Variants in ATP10D observed in about 807,000 individuals in gnomAD.
ATP10D encodes the protein ATPase phospholipid transporting 10D (putative).
In ATP10D, 89 loss-of-function variants were observed where a neutral mutation model predicts 144.8. The observed-to-expected ratio is 0.61, with a 90% CI of 0.52 to 0.73. The LOEUF (loss-of-function observed/expected upper bound fraction) is 0.73, where lower values mean the gene tolerates loss of function less well. Among genes scored for constraint, ATP10D ranks in the 30% least tolerant of loss-of-function variants. ATP10D has a pLI of 0.00. For synonymous variants in ATP10D, 571 were observed against 615.1 expected (o/e 0.93, Z 1.06); for missense variants, 1,603 against 1,714.8 (o/e 0.93, Z 1.15).
chr4:47,515,628 T>C lies in ATP10D; in HGVS notation c.443T>C (p.Ile148Thr). ...CTGGAAGATTATCGGAAATACAAAA[T>C]TGACAAACAGATCAATAATTTAATA... ...DGLEDYRKYK[I>T]DKQINNLITK... is the part of the protein sequence containing the mutation. Residue 148 changes from isoleucine to threonine, a missense_variant, in exon 3 of 23, where the codon ATT becomes ACT. Coordinates refer to ENST00000273859, the MANE Select transcript of ATP10D (RefSeq NM_020453.4). The C allele has an allele frequency of 1.2e-6, 2 of 1,612,016 alleles. No individual in the cohort carries two copies. The highest frequency in any genetic ancestry group is 2.2e-5 in the East Asian group (1 of 44,846).
chr4:47,561,049 G>C lies in ATP10D; in HGVS notation c.2642G>C (p.Arg881Thr). 6.2e-7 allele frequency: 1 copy of C among 1,614,158 alleles called. No individual in the cohort carries two copies. The highest frequency in any genetic ancestry group is 1.3e-5 in the African/African-American group (1 of 75,046). Residue 881 changes from arginine to threonine, a missense_variant, in exon 14 of 23, where the codon AGG becomes ACG. Transcript: ENST00000273859. Reference protein sequence around the residue: ...REELLLESAMRLENKLTLLGA... With the variant: ...REELLLESAMTLENKLTLLGA... ...GAATTACTACTTGAATCTGCCATGAGGTTGGAGAACAAACTTACATTACTT... is the reference window on the plus strand; with the variant it reads ...GAATTACTACTTGAATCTGCCATGACGTTGGAGAACAAACTTACATTACTT...
At chr4:47,498,797 A>G (rs6835978) in intron 1 of ATP10D, among the ~76,000 whole-genome samples, 35,324 of 152,156 alleles carry the variant, frequency 0.23, 4,303 homozygotes, top group South Asian at 0.3. Flanking sequence ...CAGGTATTAA[A>G]TCATTTTAGC....
chr4:47,540,101 T>C (rs1421828057), intron 9 of ATP10D, among the ~76,000 whole-genome samples: 1 of 152,220 alleles, frequency 6.6e-6, no homozygotes, highest in African/African-American at 2.4e-5. Flanking sequence ...TAAACACATG[T>C]GTATACACAC....
rs1720544641 is a variant in ATP10D, at chr4:47,582,005, C to G, written c.3694C>G (p.Leu1232Val). The G allele has an allele frequency of 5.0e-6, 8 of 1,614,092 alleles. No individual in the cohort carries two copies. Among genetic ancestry groups the G allele is most frequent in the Non-Finnish European group, 6.8e-6 (8 of 1,179,988 alleles). Residue 1232 changes from leucine (L) to valine (V), a missense_variant, in exon 21 of 23, where the codon CTG becomes GTG. Transcript: ENST00000273859. ...TGACATCTTTGCATTTGGAAACCCC[C>G]TGAACACAGCCGCTCTGTTCATCGT... ...DTDIFAFGNP[L>V]NTAALFIVLL...
intron 13 of ATP10D, among the ~76,000 whole-genome samples, chr4:47,559,735 C>A (rs1286144825): frequency 6.6e-6 from 1 of 152,142 alleles, no homozygotes; most frequent in African/African-American, 2.4e-5. Context: ...GATGGCTGGG[C>A]ACAGTAGCTC....
Position 47,536,363 on chromosome 4 carries a change from C to T in ATP10D, c.1016-74C>T, listed in dbSNP as rs369193779. 9 of 1,546,254 alleles carry T rather than the reference C, an allele frequency of 5.8e-6. No homozygotes were observed. In the African/African-American group the frequency reaches 1.1e-4, roughly 19 times the overall value. Reference sequence around the variant, plus strand: ...CAAAATGAATACTCTCATTCCTTCTCCTTTAGGAATAAAATTTTTTGTTTG... The same window carrying T: ...CAAAATGAATACTCTCATTCCTTCTTCTTTAGGAATAAAATTTTTTGTTTG... On this transcript the variant is annotated intron_variant, in intron 7 of 22. Transcript: ENST00000273859.
chr4:47,554,946 A>C, intron 11 of ATP10D, 32 bp downstream of exon 11: 1 of 1,589,190 alleles, frequency 6.3e-7, no homozygotes, highest in Non-Finnish European at 8.6e-7. Context: ...AACAAGGGTC[A>C]CTTTCCAGAA....
At chr4:47,502,646 T>C (rs1036634568) in intron 1 of ATP10D, among the ~76,000 whole-genome samples, 2 of 148,340 alleles carry the variant, frequency 1.3e-5, no homozygotes, top group African/African-American at 4.9e-5. Flanking sequence ...ATATAATATA[T>C]GTATGTATGT....
At position 47,521,644 on chromosome 4, in the gene ATP10D, A is replaced by G. The variant is rs1478027212; in HGVS notation, c.486-1368A>G. 5.9e-5 allele frequency among the ~76,000 whole-genome samples: 9 copies of G among 152,162 alleles called. No homozygotes were observed. The South Asian group carries it at 8.3e-4, about 14-fold the overall frequency. ...GACCTTTAGTTACTCTCCATTTCCT[A>G]TGGAATGAAATTCCTACTCCTAGAT... is the stretch of plus-strand genomic sequence containing the variant. On this transcript the variant is annotated intron_variant, in intron 3 of 22. Transcript: ENST00000273859.
At chr4:47,492,410 G>A (rs1400511842) in intron 1 of ATP10D, among the ~76,000 whole-genome samples, 1 of 152,280 alleles carries the variant, frequency 6.6e-6, no homozygotes, top group East Asian at 1.9e-4. Context: ...GTACCATTGA[G>A]TAAATTATTG....
intron 21 of ATP10D, 91 bp downstream of exon 21, chr4:47,582,155 A>C: frequency 9.6e-7 from 1 of 1,040,780 alleles, no homozygotes; most frequent in Non-Finnish European, 1.5e-6. Context: ...GATAAGTGGT[A>C]ATGAGAAGAG....
chr4:47,547,472 G>A (rs1718499463), intron 10 of ATP10D: 1 of 152,230 alleles, frequency 6.6e-6, no homozygotes, highest in African/African-American at 2.4e-5. Flanking sequence ...AGAGGACCAT[G>A]TAGATGATGG....
chr4:47,550,825 G>A (rs1331005852), intron 10 of ATP10D, among the ~76,000 whole-genome samples: 4 of 152,200 alleles, frequency 2.6e-5, no homozygotes, highest in Non-Finnish European at 4.4e-5. Context: ...CCGCAGGGGT[G>A]GAAGTCAGCG....
At chr4:47,561,778 C>T (rs1719325822) in intron 14 of ATP10D, among the ~76,000 whole-genome samples, 3 of 152,242 alleles carry the variant, frequency 2.0e-5, no homozygotes, top group Admixed American at 6.5e-5. Context: ...TGTTGTGTGG[C>T]TTGGGCATTG....
At chr4:47,527,855 C>G (rs1271093097) in intron 5 of ATP10D, among the ~76,000 whole-genome samples, 1 of 152,060 alleles carries the variant, frequency 6.6e-6, no homozygotes, top group Non-Finnish European at 1.5e-5. Flanking sequence ...TAAGCATATG[C>G]CCATTATATA....
chr4:47,518,817 G>A (rs1716808191), intron 3 of ATP10D, among the ~76,000 whole-genome samples: 2 of 152,280 alleles, frequency 1.3e-5, no homozygotes, highest in South Asian at 4.1e-4. Flanking sequence ...AGAAGTGACT[G>A]TAGCTGGTAG....
Position 47,572,184 on chromosome 4 carries a change from A to G in ATP10D, c.3194A>G (p.Gln1065Arg). ...GDGANDVSMI[Q>R]VADIGIGVSG... The stretch of plus-strand genomic sequence containing the variant: ...GGTGCCAATGATGTTAGCATGATAC[A>G]AGTGGCAGACATTGGGATAGGGGTC... Residue 1065 changes from glutamine (Q) to arginine (R), a missense_variant, in exon 17 of 23, where the codon CAA becomes CGA. By Grantham distance (43) the Gln-to-Arg change is conservative (BLOSUM62 1). Transcript: ENST00000273859. 6.2e-7 allele frequency: 1 copy of G among 1,614,076 alleles called. No homozygotes were observed. Among genetic ancestry groups the G allele is most frequent in the Non-Finnish European group, 8.5e-7 (1 of 1,179,990 alleles).
rs900971520 is a variant in ATP10D at position 47,535,726 on chromosome 4, T to C, written c.883+111T>C. On this transcript the variant is annotated intron_variant, in intron 6 of 22. Transcript: ENST00000273859. ...GAAGCAGAAAGGAAATTTTGCCTGA[T>C]AAACTTAATTATTGGTCTCTGTTTT... The C allele has an allele frequency of 1.2e-5, 16 of 1,352,890 alleles. No individual in the cohort carries two copies. The African/African-American group carries it at 2.1e-4, about 18-fold the overall frequency. 83.8% of individuals were successfully genotyped at this position (1,352,890 alleles called of 1,614,324 possible).
intron 5 of ATP10D, among the ~76,000 whole-genome samples, chr4:47,531,840 T>C (rs752396408): frequency 1.4e-4 from 21 of 152,176 alleles, no homozygotes; most frequent in Non-Finnish European, 2.9e-4. Flanking sequence ...GCACGCTGAC[T>C]CCCTGATGAG....
Sources: gnomAD v4.1 joint callset for allele counts (sites outside exome capture counted in the v4.1 genomes callset) on GRCh38, gnomAD v4.1.1 for gene constraint, MANE v1.5 for transcripts, NCBI Gene and HGNC (gene_info 2026-07-23, HGNC 2026-07-21) for gene names.